The following TMTC2 variants were observed in gnomAD, a reference collection of about 807,000 sequenced individuals.
TMTC2 encodes transmembrane O-mannosyltransferase targeting cadherins 2.
A neutral mutation model predicts 82.4 loss-of-function variants in TMTC2; 43 were observed. That is an observed-to-expected ratio of 0.52 (90% confidence interval 0.41 to 0.67). TMTC2 has a LOEUF of 0.67. TMTC2 is among the 30% of genes least tolerant of loss of function. The pLI, the probability that TMTC2 is intolerant of heterozygous loss-of-function variation, is 0.00. For missense variants in TMTC2, 919 were observed against 1,012.4 expected (o/e 0.91, Z 1.25); for synonymous variants, 408 against 381.9 (o/e 1.07, Z -0.80).
At chr12:82,774,948 T>C (rs943504971) in intron 1 of TMTC2, among the ~76,000 whole-genome samples, 4 of 152,084 alleles carry the variant, frequency 2.6e-5, no homozygotes, top group Non-Finnish European at 5.9e-5. Context: ...CTGAATGTTG[T>C]ATTCTAAAGG....
intron 1 of TMTC2, among the ~76,000 whole-genome samples, chr12:82,734,876 G>A (rs1286637719): frequency 6.6e-6 from 1 of 152,098 alleles, no homozygotes; most frequent in African/African-American, 2.4e-5. Flanking sequence ...GATAAAGTTG[G>A]GATGGTTATA....
intron 1 of TMTC2, among the ~76,000 whole-genome samples, chr12:82,712,286 T>C (rs568669398): frequency 6.6e-6 from 1 of 152,162 alleles, no homozygotes; most frequent in Admixed American, 6.5e-5. Context: ...AAAAATTAGC[T>C]GGGCGTGGTG....
At chr12:82,923,506 A>AT (rs551148283) in intron 3 of TMTC2, among the ~76,000 whole-genome samples, 28 of 150,054 alleles carry the variant, frequency 1.9e-4, no homozygotes, top group South Asian at 6.3e-4. Flanking sequence ...AAATCCATTA[A>AT]TTTTTTTTTT....
chr12:83,029,835 A>G (rs1354190348), intron 8 of TMTC2, among the ~76,000 whole-genome samples: 2 of 152,202 alleles, frequency 1.3e-5, no homozygotes, highest in Non-Finnish European at 2.9e-5. Flanking sequence ...GTATTCTTTA[A>G]TGAAAAATCA....
rs1423160376 is a variant in TMTC2 at position 83,132,370 on chromosome 12, TA to T, written c.2495del (p.Lys832ArgfsTer23). ...KLWNIMEKQGLKTSKT is the reference protein window; with the variant it reads ...KLWNIMEKQGXKTSKT ...TGGAACATCATGGAAAAACAAGGCT[TA>T]AAGACTTCTAAGACCTGACACAGGA... On this transcript the variant is annotated frameshift_variant, in exon 12 of 12. Transcript: ENST00000321196. LOFTEE classifies it high-confidence loss of function. 6.2e-7 allele frequency: 1 copy of T among 1,613,950 alleles called. No individual in the cohort carries two copies. Among genetic ancestry groups the T allele is most frequent in the Admixed American group, 1.7e-5 (1 of 59,968 alleles).
At chr12:82,749,780 T>G (rs1339894839) in intron 1 of TMTC2, among the ~76,000 whole-genome samples, 1 of 142,186 alleles carries the variant, frequency 7.0e-6, no homozygotes, top group Non-Finnish European at 1.5e-5. Flanking sequence ...CTTTGTTGCC[T>G]AGGCTGGAGT....
chr12:82,797,080 C>T (rs1456083938), intron 1 of TMTC2, among the ~76,000 whole-genome samples: 2 of 152,114 alleles, frequency 1.3e-5, no homozygotes, highest in Admixed American at 1.3e-4. Context: ...CTTTCCGATG[C>T]AGACTGTATT....
At chr12:82,738,577 G>A (rs771827776) in intron 1 of TMTC2, among the ~76,000 whole-genome samples, 1 of 152,158 alleles carries the variant, frequency 6.6e-6, no homozygotes, top group Non-Finnish European at 1.5e-5. Context: ...TAAGTGCTGT[G>A]TATGAGGTTA....
At chr12:82,958,233 G>A (rs916163987) in intron 4 of TMTC2, among the ~76,000 whole-genome samples, 6 of 151,386 alleles carry the variant, frequency 4.0e-5, no homozygotes, top group African/African-American at 4.9e-5. Context: ...GTGTGGTAGC[G>A]CACACCTGTA....
In TMTC2 at chr12:82,903,648, C is replaced by T. The variant is rs569861946; in HGVS notation, c.1483+7002C>T. 2.6e-5 allele frequency among the ~76,000 whole-genome samples: 4 copies of T among 152,230 alleles called. No homozygotes were observed. In the East Asian group the frequency reaches 7.7e-4, roughly 29 times the overall value. On this transcript the variant is annotated intron_variant, in intron 3 of 11. Coordinates refer to ENST00000321196, the MANE Select transcript of TMTC2 (RefSeq NM_152588.3). ...CAGGATGGTCTCGATCTCCTGACCT[C>T]GTGATTCACCCTCCTCGGCCTCCCA...
chr12:82,997,356 ATATATATATGTG>A (rs1719568972), intron 8 of TMTC2, among the ~76,000 whole-genome samples: 6 of 33,336 alleles, frequency 1.8e-4, no homozygotes, highest in African/African-American at 5.0e-4. Context: ...GTGTATATAT[ATATATATATGTG>A]TATATATATA....
chr12:82,873,079 A>G (rs1872286680), intron 2 of TMTC2, among the ~76,000 whole-genome samples: 1 of 152,172 alleles, frequency 6.6e-6, no homozygotes, highest in South Asian at 2.1e-4. Context: ...ACATATCATA[A>G]AATTGACTCA....
rs552141281 is a variant in TMTC2 at position 82,781,186 on chromosome 12, C to T, written c.84-75824C>T. Among the ~76,000 whole-genome samples, 15 of 152,000 alleles carry T rather than the reference C, an allele frequency of 9.9e-5. No individual in the cohort carries two copies. The East Asian group carries it at 2.1e-3, about 22-fold the overall frequency. On this transcript the variant is annotated intron_variant, in intron 1 of 11. Transcript: ENST00000321196. ...CAAACAAAATAGGACACGAGAGTAT[C>T]GTTGATGAGTAGATCAAAATTAATA... is the stretch of plus-strand genomic sequence containing the variant.
chr12:82,945,299 T>G (rs1000118638), intron 4 of TMTC2, among the ~76,000 whole-genome samples: 17 of 152,062 alleles, frequency 1.1e-4, no homozygotes, highest in African/African-American at 3.4e-4. Flanking sequence ...CATTCAAGAG[T>G]GTAGAGTGAG....
intron 1 of TMTC2, among the ~76,000 whole-genome samples, chr12:82,769,311 T>TA (rs1225108836): frequency 1.3e-5 from 2 of 151,230 alleles, no homozygotes; most frequent in South Asian, 2.1e-4. Flanking sequence ...CTGTCTCTAC[T>TA]AAAAAAATAC....
intron 4 of TMTC2, among the ~76,000 whole-genome samples, chr12:82,947,289 T>A (rs1054576486): frequency 2.0e-5 from 3 of 152,040 alleles, no homozygotes; most frequent in African/African-American, 7.2e-5. Flanking sequence ...AAGTGTGTAC[T>A]CAGTCTCCTG....
At chr12:83,127,667 G>T (rs111780867) in intron 11 of TMTC2, among the ~76,000 whole-genome samples, 1 of 151,970 alleles carries the variant, frequency 6.6e-6, no homozygotes. Context: ...TACATGATAA[G>T]CTTAGGCCAG....
At chr12:82,932,149 A>T (rs1429796255) in intron 4 of TMTC2, among the ~76,000 whole-genome samples, 1 of 152,200 alleles carries the variant, frequency 6.6e-6, no homozygotes, top group Non-Finnish European at 1.5e-5. Flanking sequence ...GATACTTAAA[A>T]AAATAACTAA....
chr12:83,016,108 G>T (rs1880666128), intron 8 of TMTC2, among the ~76,000 whole-genome samples: 1 of 152,182 alleles, frequency 6.6e-6, no homozygotes, highest in Non-Finnish European at 1.5e-5. Context: ...GTAGAAATCT[G>T]ATAAAGTTTA....
Sources: gnomAD v4.1 joint callset for allele counts (sites outside exome capture counted in the v4.1 genomes callset) on GRCh38, gnomAD v4.1.1 for gene constraint, MANE v1.5 for transcripts, NCBI Gene and HGNC (gene_info 2026-07-23, HGNC 2026-07-21) for gene names.